TAS2R1: variants seen among roughly 807,000 people sequenced by gnomAD.
The protein encoded by TAS2R1 is taste receptor type 2 member 1.
For missense variants in TAS2R1, 370 were observed against 353.4 expected, an observed-to-expected ratio of 1.05 and a Z score of -0.38; for synonymous variants, 141 against 134.2, an observed-to-expected ratio of 1.05 and a Z score of -0.35.
chr5:9,783,786 C>A, the TAS2R1 span, among the ~76,000 whole-genome samples: 2 of 152,278 alleles, frequency 1.3e-5, no homozygotes, highest in South Asian at 2.1e-4. Flanking sequence ...CAAGACAAAT[C>A]TTATTATACA....
the TAS2R1 span, among the ~76,000 whole-genome samples, chr5:9,851,480 T>G: frequency 3.3e-5 from 5 of 151,874 alleles, no homozygotes; most frequent in African/African-American, 1.2e-4. Context: ...ATCCACTTGA[T>G]CTACAGATCT....
chr5:9,845,426 A>T, the TAS2R1 span, among the ~76,000 whole-genome samples: 1 of 152,230 alleles, frequency 6.6e-6, no homozygotes, highest in Non-Finnish European at 1.5e-5. Context: ...TTTGCTGGAT[A>T]AATTTGTTGC....
At chr5:9,703,235 C>T (rs775307724) in intron 1 of TAS2R1, among the ~76,000 whole-genome samples, 10 of 152,114 alleles carry the variant, frequency 6.6e-5, no homozygotes, top group Non-Finnish European at 1.3e-4. Context: ...TCATCATGGC[C>T]ATGGCTTGTC....
At chr5:9,687,720 C>T (rs535862459) in intron 1 of TAS2R1, among the ~76,000 whole-genome samples, 4 of 152,294 alleles carry the variant, frequency 2.6e-5, no homozygotes, top group Non-Finnish European at 2.9e-5. Context: ...TTTTCTGCTC[C>T]GCGGGCCCAA....
At chr5:9,899,210 A>G in the TAS2R1 span, among the ~76,000 whole-genome samples, 2 of 152,214 alleles carry the variant, frequency 1.3e-5, no homozygotes, top group African/African-American at 4.8e-5. Context: ...TGACCACCAG[A>G]GGAGTTCAGA....
At chr5:9,819,671 G>A in the TAS2R1 span, among the ~76,000 whole-genome samples, 7 of 152,130 alleles carry the variant, frequency 4.6e-5, no homozygotes, top group South Asian at 2.1e-4. Context: ...CAATAGATAC[G>A]GATGGGTGCG....
chr5:9,666,129 A>G (rs1005081963), intron 1 of TAS2R1, among the ~76,000 whole-genome samples: 2 of 152,206 alleles, frequency 1.3e-5, no homozygotes, highest in African/African-American at 4.8e-5. Flanking sequence ...TAGTGGAAAA[A>G]TAATTATAAG....
At chr5:9,800,993 A>G in the TAS2R1 span, among the ~76,000 whole-genome samples, 1 of 152,168 alleles carries the variant, frequency 6.6e-6, no homozygotes, top group Non-Finnish European at 1.5e-5. Flanking sequence ...GGAGTTTGAG[A>G]ACAGCCTTGT....
chr5:9,660,785 G>GA (rs1740517881), intron 1 of TAS2R1, among the ~76,000 whole-genome samples: 1 of 152,154 alleles, frequency 6.6e-6, no homozygotes, highest in Admixed American at 6.5e-5. Flanking sequence ...ATAGGAAGGG[G>GA]AATCAAGGGA....
intron 1 of TAS2R1, among the ~76,000 whole-genome samples, chr5:9,699,681 G>T (rs1327591476): frequency 1.3e-5 from 2 of 152,168 alleles, no homozygotes; most frequent in Non-Finnish European, 2.9e-5. Context: ...TCTCTGGACA[G>T]TCGTGATAGG....
chr5:9,812,260 C>A, the TAS2R1 span, among the ~76,000 whole-genome samples: 1 of 151,908 alleles, frequency 6.6e-6, no homozygotes, highest in Admixed American at 6.6e-5. Context: ...GATAAATATT[C>A]ATTAAATGAA....
At chr5:9,879,262 T>C in the TAS2R1 span, among the ~76,000 whole-genome samples, 1 of 152,374 alleles carries the variant, frequency 6.6e-6, no homozygotes, top group African/African-American at 2.4e-5. Context: ...ATGAACCATA[T>C]TGGAGCTAGA....
rs1561364030 is a variant in TAS2R1, at chr5:9,630,008, A to G, written c.25T>C (p.Tyr9His). The G allele has an allele frequency of 1.3e-6, 2 of 1,583,870 alleles. No homozygotes were observed. Among genetic ancestry groups the G allele is most frequent in the Admixed American group, 3.9e-5 (2 of 51,836 alleles). The change falls in exon 1 of 1, where the codon TAT becomes CAT. Residue 9 changes from tyrosine (Y) to histidine (H), a missense_variant. Coordinates refer to ENST00000382492, the MANE Select transcript of TAS2R1 (RefSeq NM_019599.3). Reference sequence around the variant, plus strand: ...AATTGTATCACTGCAAGAAGAAAATAGATAATGAGGTGAGACTCTAGCATT... The same window carrying G: ...AATTGTATCACTGCAAGAAGAAAATGGATAATGAGGTGAGACTCTAGCATT... Reference protein sequence around the residue: MLESHLIIYFLLAVIQFLL... With the variant: MLESHLIIHFLLAVIQFLL...
chr5:9,697,088 G>T (rs1741376745), intron 1 of TAS2R1, among the ~76,000 whole-genome samples: 1 of 151,918 alleles, frequency 6.6e-6, no homozygotes, highest in African/African-American at 2.4e-5. Context: ...AAGGAGAAAG[G>T]AAAGAAGGAA....
chr5:9,734,375 C>T, the TAS2R1 span, among the ~76,000 whole-genome samples: 2 of 152,184 alleles, frequency 1.3e-5, no homozygotes, highest in Non-Finnish European at 2.9e-5. Flanking sequence ...AGCTCCCTCT[C>T]CCTTTTTTGG....
At chr5:9,651,718 G>A (rs1740308677) in intron 2 of TAS2R1, among the ~76,000 whole-genome samples, 1 of 88,140 alleles carries the variant, frequency 1.1e-5, no homozygotes, top group Admixed American at 1.2e-4. Flanking sequence ...TCCTTGGTGA[G>A]GGTATGAGAA....
chr5:9,760,130 C>T, the TAS2R1 span, among the ~76,000 whole-genome samples: 1 of 152,126 alleles, frequency 6.6e-6, no homozygotes, highest in South Asian at 2.1e-4. Context: ...CCTTGAAAAA[C>T]ACAAATAATC....
intron 2 of TAS2R1, among the ~76,000 whole-genome samples, chr5:9,647,943 T>C (rs1161597969): frequency 5.3e-5 from 8 of 152,176 alleles, no homozygotes; most frequent in Non-Finnish European, 1.0e-4. Context: ...TAGTCAACTT[T>C]ATTTTTCTAG....
chr5:9,846,060 G>A, the TAS2R1 span, among the ~76,000 whole-genome samples: 1 of 152,110 alleles, frequency 6.6e-6, no homozygotes, highest in East Asian at 1.9e-4. Flanking sequence ...TAGAAAACTG[G>A]GGCAATAAAC....
Sources: gnomAD v4.1 joint callset for allele counts (sites outside exome capture counted in the v4.1 genomes callset) on GRCh38, gnomAD v4.1.1 for gene constraint, MANE v1.5 for transcripts, NCBI Gene and HGNC (gene_info 2026-07-23, HGNC 2026-07-21) for gene names.